The following TUT4 variants were observed in gnomAD, a reference collection of about 807,000 sequenced individuals.
TUT4 encodes terminal uridylyltransferase 4.
A neutral mutation model predicts 192.2 loss-of-function variants in TUT4; 36 were observed. The ratio of observed to expected loss-of-function variants is 0.19; its 90% CI spans 0.14 to 0.25. TUT4 has a LOEUF of 0.25. Among genes scored for constraint, TUT4 ranks in the 10% least tolerant of loss-of-function variants. The probability of loss-of-function intolerance (pLI) is 1.00; values close to 1 mark genes in which losing one functional copy is unlikely to be tolerated. For missense variants in TUT4, 1,493 were observed against 1,957.2 expected (o/e 0.76, Z 4.47); for synonymous variants, 618 against 666.0 (o/e 0.93, Z 1.11).
intron 20 of TUT4, among the ~76,000 whole-genome samples, chr1:52,457,351 T>C (rs1304316545): frequency 6.6e-6 from 1 of 151,994 alleles, no homozygotes; most frequent in Non-Finnish European, 1.5e-5. Context: ...TTCTCCTGCC[T>C]CAGTCTCCCG....
At chr1:52,462,663 T>C (rs1055784978) in intron 16 of TUT4, 10 of 954,424 alleles carry the variant, frequency 1.0e-5, no homozygotes, top group Admixed American at 6.2e-5. Context: ...TGGCACAAAA[T>C]AAGCCTTTAA....
Position 52,475,435 on chromosome 1 carries a change from G to C in TUT4, c.2124C>G (p.Ala708=), listed in dbSNP as rs1666832286. Reference sequence around the variant, plus strand: ...TATTTCCACCCTTCGTCTGAGGACAGGCAAAATACCGATAAGCTGCCCTAA... The same window carrying C: ...TATTTCCACCCTTCGTCTGAGGACACGCAAAATACCGATAAGCTGCCCTAA... ...ERFRAAYRYF[A]CPQTKGGNKS... Residue 708 remains alanine, a synonymous_variant, in exon 13 of 30, where the codon GCC becomes GCG. Transcript: ENST00000257177. 6.2e-7 allele frequency: 1 copy of C among 1,614,124 alleles called. No homozygotes were observed. Among genetic ancestry groups the C allele is most frequent in the Non-Finnish European group, 8.5e-7 (1 of 1,180,044 alleles).
chr1:52,461,488 A>G (rs775645284), intron 18 of TUT4, 25 bp downstream of exon 18: 5 of 1,588,060 alleles, frequency 3.1e-6, no homozygotes, highest in Admixed American at 3.4e-5. Flanking sequence ...AAAAGTATAT[A>G]CATGGCCTAT....
intron 1 of TUT4, among the ~76,000 whole-genome samples, chr1:52,542,983 G>C (rs1338246537): frequency 6.6e-6 from 1 of 152,080 alleles, no homozygotes; most frequent in Non-Finnish European, 1.5e-5. Context: ...TCGAACTCCT[G>C]ACCTCAGGTG....
chr1:52,490,870 A>C, intron 7 of TUT4, 69 bp from the exon 8 acceptor site: 1 of 1,239,682 alleles, frequency 8.1e-7, no homozygotes, highest in Non-Finnish European at 1.1e-6. Context: ...GTAAACATTA[A>C]GTAACAGTTT....
chr1:52,479,156 T>A lies in TUT4; in HGVS notation c.1849-1274A>T, dbSNP rs149247604. Among the ~76,000 whole-genome samples, 1,311 of 151,900 alleles carry A rather than the reference T, an allele frequency of 8.6e-3. 6 individuals are homozygous for A. The highest frequency in any genetic ancestry group is 0.013 in the Admixed American group (204 of 15,236). ...GGAAACAGGGCAAACACACAAAGAA[T>A]GAGACCAGTTTTAAAAAGCAAACCA... On this transcript the variant is annotated intron_variant, in intron 11 of 29. Transcript: ENST00000257177.
chr1:52,482,013 T>A, intron 9 of TUT4, 90 bp from the exon 10 acceptor site: 2 of 1,121,592 alleles, frequency 1.8e-6, no homozygotes, highest in Non-Finnish European at 2.4e-6. Context: ...CTAATCATTG[T>A]AAAAAGTTCA....
intron 24 of TUT4, among the ~76,000 whole-genome samples, chr1:52,440,006 A>C (rs1339646937): frequency 6.6e-6 from 1 of 152,184 alleles, no homozygotes. Context: ...ACTAAAATGA[A>C]AGAAGCCAGT....
At chr1:52,427,495 C>T (rs776756397) in intron 28 of TUT4, among the ~76,000 whole-genome samples, 3 of 152,190 alleles carry the variant, frequency 2.0e-5, no homozygotes, top group Non-Finnish European at 4.4e-5. Context: ...GGAGCTGATA[C>T]ATCAAAGGGC....
Position 52,490,789 on chromosome 1 carries a change from T to G in TUT4, c.1331A>C (p.Asp444Ala). The G allele has an allele frequency of 6.2e-7, 1 of 1,611,920 alleles. No individual in the cohort carries two copies. Among genetic ancestry groups the G allele is most frequent in the Non-Finnish European group, 8.5e-7 (1 of 1,179,070 alleles). ...TTTAGCGTGAAAATCAGATTCCACA[T>G]CTACATATAATACTAATAAGGAAAA... The part of the protein sequence containing the change: ...GILKKNVLYV[D>A]VESDFHAKVP... Residue 444 changes from aspartate (D) to alanine (A), a missense_variant, in exon 8 of 30, where the codon GAT (aspartate) becomes GCT (alanine). Asp to Ala is a moderately radical substitution (Grantham distance 126, BLOSUM62 -2). This residue lies in a region of TUT4 where 437 missense variants were observed against 577.6 expected (regional missense o/e 0.76). Coordinates refer to ENST00000257177, the MANE Select transcript of TUT4 (RefSeq NM_001009881.3).
intron 8 of TUT4, 49 bp from the exon 9 acceptor site, chr1:52,489,084 CA>C: frequency 6.5e-7 from 1 of 1,527,502 alleles, no homozygotes; most frequent in Non-Finnish European, 8.8e-7. Context: ...CCCTTAAAAG[CA>C]GAATACTTCA....
intron 28 of TUT4, among the ~76,000 whole-genome samples, chr1:52,426,942 GTCCT>G (rs1650167031): frequency 1.3e-5 from 2 of 151,438 alleles, no homozygotes; most frequent in African/African-American, 2.4e-5. Context: ...TTTCCATTCA[GTCCT>G]TCCATTTTCA....
At chr1:52,481,216 C>A (rs1449062935) in intron 11 of TUT4, among the ~76,000 whole-genome samples, 2 of 152,110 alleles carry the variant, frequency 1.3e-5, no homozygotes, top group African/African-American at 2.4e-5. Context: ...TCAAACAACA[C>A]AAGTTTTCCA....
intron 4 of TUT4, among the ~76,000 whole-genome samples, chr1:52,502,950 C>T (rs1049435528): frequency 2.0e-5 from 3 of 152,112 alleles, no homozygotes; most frequent in Non-Finnish European, 2.9e-5. Flanking sequence ...TTCGCCTCTA[C>T]ACTAACAGCA....
chr1:52,500,846 T>G (rs557917165), intron 4 of TUT4, among the ~76,000 whole-genome samples: 2 of 152,068 alleles, frequency 1.3e-5, no homozygotes, highest in Admixed American at 1.3e-4. Flanking sequence ...TGAGGCAGGA[T>G]CACTTCAGTG....
intron 14 of TUT4, among the ~76,000 whole-genome samples, chr1:52,469,937 G>T: frequency 6.7e-6 from 1 of 148,788 alleles, no homozygotes; most frequent in East Asian, 2.0e-4. Context: ...AATCTTTATA[G>T]TAAGTTTATA....
Position 52,423,775 on chromosome 1 carries a change from G to T in TUT4, c.*160C>A. 1 of 1,495,470 alleles carries T rather than the reference G, an allele frequency of 6.7e-7. No individual in the cohort carries two copies. Among genetic ancestry groups the T allele is most frequent in the Non-Finnish European group, 9.0e-7 (1 of 1,107,306 alleles). The allele number at this position is 1,495,470 out of a possible 1,614,324, so 92.6% of individuals were successfully genotyped here. On this transcript the variant is annotated 3_prime_UTR_variant, in exon 30 of 30. Transcript: ENST00000257177. ...TAGAATTTAAATAAGCTATCTAAAC[G>T]TGTTAAAATTTTAAATCAGGACCTG... is the stretch of plus-strand genomic sequence containing the variant.
chr1:52,490,149 G>GA (rs1670770808), intron 8 of TUT4, among the ~76,000 whole-genome samples: 2 of 133,198 alleles, frequency 1.5e-5, no homozygotes, highest in Non-Finnish European at 3.3e-5. Context: ...GAGAAGAGAG[G>GA]CTTTTTTTTT....
chr1:52,500,345 A>G (rs1295126116), intron 4 of TUT4, among the ~76,000 whole-genome samples: 1 of 152,176 alleles, frequency 6.6e-6, no homozygotes, highest in Non-Finnish European at 1.5e-5. Context: ...GTCAGAAACT[A>G]AAACTAGGCC....
Sources: allele counts gnomAD v4.1 joint callset (sites outside exome capture counted in the v4.1 genomes callset), GRCh38; gene constraint gnomAD v4.1.1; regional missense constraint gnomAD v4.1.1; transcripts MANE v1.5; gene names NCBI Gene and HGNC (gene_info 2026-07-23, HGNC 2026-07-21).